Variants in ZNF514 observed in about 807,000 individuals in gnomAD.
The protein encoded by ZNF514 is zinc finger protein 514.
Under a neutral mutation model 9.7 loss-of-function variants are expected in ZNF514, and 12 were observed. The ratio of observed to expected loss-of-function variants is 1.24; its 90% CI spans 0.79 to 2.01. The LOEUF is 2.01. Among genes scored for constraint, ZNF514 ranks in the 30% most tolerant of loss-of-function variants. ZNF514 has a pLI of 0.00. For synonymous variants in ZNF514, 158 were observed against 163.7 expected, an observed-to-expected ratio of 0.97 and a Z score of 0.27; for missense variants, 467 against 465.5, an observed-to-expected ratio of 1.00 and a Z score of -0.03.
At chr2:95,155,545 A>C (rs1252866427) in intron 2 of ZNF514, 2 of 152,244 alleles carry the variant, frequency 1.3e-5, no homozygotes, top group Non-Finnish European at 2.9e-5. Context: ...CAGGATCTCC[A>C]TCCAGACTAT....
chr2:95,125,043 C>A, the ZNF514 span, among the ~76,000 whole-genome samples: 1 of 150,166 alleles, frequency 6.7e-6, no homozygotes, highest in Admixed American at 6.7e-5. Context: ...CCATGCCCAG[C>A]TAATTTTTGT....
the ZNF514 span, among the ~76,000 whole-genome samples, chr2:95,131,216 A>T: frequency 1.3e-5 from 2 of 152,224 alleles, no homozygotes; most frequent in Admixed American, 1.3e-4. Flanking sequence ...TGGTGAAATC[A>T]GGAGGGCTCC....
chr2:95,156,232 G>C (rs907635507), intron 2 of ZNF514, among the ~76,000 whole-genome samples: 5 of 152,170 alleles, frequency 3.3e-5, no homozygotes, highest in Non-Finnish European at 7.3e-5. Context: ...GCCTATCCTG[G>C]ATGCTGGGAA....
the ZNF514 span, among the ~76,000 whole-genome samples, chr2:95,125,251 C>T: frequency 3.2e-5 from 4 of 123,386 alleles, no homozygotes; most frequent in South Asian, 2.6e-4. Context: ...TTTTTTGAGA[C>T]GGAGTCTCGC....
the ZNF514 span, among the ~76,000 whole-genome samples, chr2:95,134,440 A>C: frequency 6.6e-6 from 1 of 152,088 alleles, no homozygotes; most frequent in South Asian, 2.1e-4. Flanking sequence ...CCTAGGGCTG[A>C]CCTCATCCCC....
intron 2 of ZNF514, among the ~76,000 whole-genome samples, chr2:95,155,933 A>C (rs1252606712): frequency 6.6e-6 from 1 of 152,194 alleles, no homozygotes; most frequent in East Asian, 1.9e-4. Context: ...TTCAGCCTGA[A>C]GCTCAGAGAG....
chr2:95,130,452 T>A, the ZNF514 span, among the ~76,000 whole-genome samples: 2 of 152,220 alleles, frequency 1.3e-5, no homozygotes, highest in African/African-American at 4.8e-5. Context: ...GGGAATTTCC[T>A]CTTCCTAATA....
chr2:95,142,722 T>C (rs1341652944), downstream of ZNF514, among the ~76,000 whole-genome samples: 1 of 152,232 alleles, frequency 6.6e-6, no homozygotes, highest in Non-Finnish European at 1.5e-5. Flanking sequence ...TCACCCGTGA[T>C]TCTTCAGGCA....
intron 2 of ZNF514, 85 bp downstream of exon 2, chr2:95,157,266 G>GAA (rs1673713183): frequency 2.2e-6 from 2 of 904,440 alleles, no homozygotes; most frequent in Middle Eastern, 2.5e-4. Context: ...TTCCCTTAGT[G>GAA]AAAAAAGAGG....
downstream of ZNF514, among the ~76,000 whole-genome samples, chr2:95,141,071 T>C (rs1231753907): frequency 1.3e-5 from 2 of 151,838 alleles, no homozygotes; most frequent in African/African-American, 4.8e-5. Flanking sequence ...AGGGATAATA[T>C]ACATTGGGTA....
Position 95,146,304 on chromosome 2 carries a change from T to C in ZNF514, c.*2978A>G, listed in dbSNP as rs552209773. On this transcript the variant is annotated 3_prime_UTR_variant, in exon 5 of 5. Transcript: ENST00000295208. ...CGATTTACCACAAGTCTAGATATTG[T>C]CCATTTTTAAAAACTTACACAAACA... Among the ~76,000 whole-genome samples the C allele has an allele frequency of 6.6e-6, 1 of 152,086 alleles. No homozygotes were observed. The highest frequency in any genetic ancestry group is 1.9e-4 in the East Asian group (1 of 5,190).
chr2:95,136,999 C>T, the ZNF514 span, among the ~76,000 whole-genome samples: 1 of 152,080 alleles, frequency 6.6e-6, no homozygotes, highest in African/African-American at 2.4e-5. Flanking sequence ...TGTTTCCTAA[C>T]CTCAGATAGA....
At chr2:95,158,877 C>A in intron 1 of ZNF514, 1 of 1,289,744 alleles carries the variant, frequency 7.8e-7, no homozygotes, top group Non-Finnish European at 1.0e-6. Context: ...TGGGATTCCC[C>A]GGCCTCTTCC....
In ZNF514 at chr2:95,146,691, T is replaced by G. The variant is rs2104459991; in HGVS notation, c.*2591A>C. 6.6e-6 allele frequency among the ~76,000 whole-genome samples: 1 copy of G among 150,760 alleles called. No homozygotes were observed. Among genetic ancestry groups the G allele is most frequent in the East Asian group, 1.9e-4 (1 of 5,146 alleles). ...AGGACACTGGGTTCAAACTGGTAAG[T>G]ATGGTTAATATGGCAAGGATACATG... On this transcript the variant is annotated 3_prime_UTR_variant, in exon 5 of 5. Coordinates refer to ENST00000295208, the MANE Select transcript of ZNF514 (RefSeq NM_032788.3).
At chr2:95,134,496 C>A in the ZNF514 span, among the ~76,000 whole-genome samples, 3 of 152,168 alleles carry the variant, frequency 2.0e-5, no homozygotes, top group Admixed American at 1.3e-4. Context: ...CCACACAATT[C>A]ACTCATTTAA....
chr2:95,134,780 G>A, the ZNF514 span, among the ~76,000 whole-genome samples: 4 of 152,088 alleles, frequency 2.6e-5, no homozygotes, highest in East Asian at 1.9e-4. Flanking sequence ...TTGTATATTG[G>A]GTTAGGTAAG....
the ZNF514 span, among the ~76,000 whole-genome samples, chr2:95,135,226 T>G: frequency 2.6e-5 from 4 of 152,186 alleles, no homozygotes; most frequent in Non-Finnish European, 5.9e-5. Context: ...TCCATGAACG[T>G]GAGATGTTTT....
chr2:95,131,642 A>G, the ZNF514 span, among the ~76,000 whole-genome samples: 2 of 152,252 alleles, frequency 1.3e-5, no homozygotes, highest in Admixed American at 1.3e-4. Flanking sequence ...AGAGGGCATT[A>G]AAACAATGCC....
chr2:95,153,120 G>GGCTT lies in ZNF514; in HGVS notation c.121+9_121+12dup. ...AAGTCCTGCTGGGTGGGCTTTGGAG[G>GGCTT]GCTTGTGCTCACCCAGAATGGCCAA... is the stretch of plus-strand genomic sequence containing the variant. On this transcript the variant is annotated intron_variant, in intron 3 of 4. Transcript: ENST00000295208. The GGCTT allele has an allele frequency of 6.2e-7, 1 of 1,609,274 alleles. No homozygotes were observed. Among genetic ancestry groups the GGCTT allele is most frequent in the Non-Finnish European group, 8.5e-7 (1 of 1,176,390 alleles).
Sources: gnomAD v4.1 joint callset for allele counts (sites outside exome capture counted in the v4.1 genomes callset) on GRCh38, gnomAD v4.1.1 for gene constraint, MANE v1.5 for transcripts, NCBI Gene and HGNC (gene_info 2026-07-23, HGNC 2026-07-21) for gene names.